Variants in NDST3 observed in about 807,000 individuals in gnomAD.
NDST3 encodes the protein N-deacetylase and N-sulfotransferase 3.
In NDST3, 58 loss-of-function variants were observed where a neutral mutation model predicts 96.1. The ratio of observed to expected loss-of-function variants is 0.60; its 90% CI spans 0.49 to 0.75. The LOEUF is 0.75. Ranked by LOEUF, NDST3 falls within the 30% of genes least tolerant of loss-of-function variation. NDST3 has a pLI of 0.00. For synonymous variants in NDST3, 333 were observed against 359.7 expected, an observed-to-expected ratio of 0.93 and a Z score of 0.84; for missense variants, 788 against 1,034.2, an observed-to-expected ratio of 0.76 and a Z score of 3.27.
chr4:118,090,483 C>A (rs1728776921), intron 2 of NDST3, among the ~76,000 whole-genome samples: 1 of 151,782 alleles, frequency 6.6e-6, no homozygotes, highest in Non-Finnish European at 1.5e-5. Flanking sequence ...AGTTCTTTGA[C>A]CTTTAATTAA....
chr4:118,133,527 G>A (rs138194917), intron 4 of NDST3, among the ~76,000 whole-genome samples: 1 of 152,254 alleles, frequency 6.6e-6, no homozygotes, highest in African/African-American at 2.4e-5. Context: ...AAGATAAAAC[G>A]AGGTACTGCG....
chr4:118,074,494 A>T (rs1334601932), intron 2 of NDST3, among the ~76,000 whole-genome samples: 2 of 152,176 alleles, frequency 1.3e-5, no homozygotes, highest in African/African-American at 4.8e-5. Context: ...ATCATTATGT[A>T]ATGCCCTTCT....
At chr4:118,048,610 T>C (rs1724900435) in intron 1 of NDST3, among the ~76,000 whole-genome samples, 1 of 151,850 alleles carries the variant, frequency 6.6e-6, no homozygotes, top group Admixed American at 6.6e-5. Flanking sequence ...TTCAAACCAA[T>C]AAAAATTTAA....
chr4:118,217,812 G>A (rs1451710097), intron 6 of NDST3, among the ~76,000 whole-genome samples: 2 of 151,304 alleles, frequency 1.3e-5, no homozygotes, highest in Admixed American at 6.6e-5. Context: ...ATTTTGCTTT[G>A]GTAAAAAACA....
intron 2 of NDST3, among the ~76,000 whole-genome samples, chr4:118,092,349 A>T (rs2125832658): frequency 6.6e-6 from 1 of 151,824 alleles, no homozygotes; most frequent in Non-Finnish European, 1.5e-5. Context: ...CCATACTACT[A>T]ATTACCTTTC....
intron 2 of NDST3, among the ~76,000 whole-genome samples, chr4:118,069,153 A>G (rs868033968): frequency 1.9e-4 from 29 of 152,176 alleles, no homozygotes; most frequent in South Asian, 4.1e-4. Context: ...GATCAGTCAG[A>G]AGAAAGATTC....
chr4:118,053,405 T>G (rs1725201719), intron 1 of NDST3, among the ~76,000 whole-genome samples: 1 of 152,000 alleles, frequency 6.6e-6, no homozygotes, highest in South Asian at 2.1e-4. Flanking sequence ...TATTACATAA[T>G]GTATAGCCAG....
At chr4:118,111,361 A>G (rs1303943928) in intron 3 of NDST3, among the ~76,000 whole-genome samples, 1 of 152,144 alleles carries the variant, frequency 6.6e-6, no homozygotes, top group African/African-American at 2.4e-5. Context: ...ATCTTCCCAG[A>G]AAAAGGAAAT....
At chr4:118,099,949 T>G (rs1220956436) in intron 2 of NDST3, among the ~76,000 whole-genome samples, 1 of 152,004 alleles carries the variant, frequency 6.6e-6, no homozygotes. Flanking sequence ...CTCTGCAGAT[T>G]GTACAGTGAG....
In NDST3 at chr4:118,060,339, CTT is replaced by C. The variant is rs564732456; in HGVS notation, c.981+5450_981+5451del. Among the ~76,000 whole-genome samples, 227 of 151,708 alleles carry C rather than the reference CTT, an allele frequency of 1.5e-3. 1 individual carries two copies. The highest frequency in any genetic ancestry group is 2.0e-3 in the Non-Finnish European group (139 of 67,848). On this transcript the variant is annotated intron_variant, in intron 2 of 13. Coordinates refer to ENST00000296499, the MANE Select transcript of NDST3 (RefSeq NM_004784.3). ...TTTAACTTTATTAATGTTGTTTTGC[CTT>C]TGTTTTGCTTAATGCTAATACAGCT...
At chr4:118,253,937 T>C (rs113544719) in intron 13 of NDST3, among the ~76,000 whole-genome samples, 3 of 152,176 alleles carry the variant, frequency 2.0e-5, no homozygotes, top group African/African-American at 7.2e-5. Context: ...AAAGTGAAAA[T>C]AGGACCAAGA....
In NDST3 at chr4:118,220,101, G is replaced by C. The variant is rs538370302; in HGVS notation, c.1540-4390G>C. Among the ~76,000 whole-genome samples, 64 of 151,328 alleles carry C rather than the reference G, an allele frequency of 4.2e-4. 1 individual carries two copies. Among genetic ancestry groups the C allele is most frequent in the African/African-American group, 1.5e-3 (60 of 41,378 alleles). On this transcript the variant is annotated intron_variant, in intron 6 of 13. Coordinates refer to ENST00000296499, the MANE Select transcript of NDST3 (RefSeq NM_004784.3). Reference sequence around the variant, plus strand: ...TAGAACCAGAAATACCAATGGGATTGCTGGGTATATACCCACAGGAGTATA... The same window carrying C: ...TAGAACCAGAAATACCAATGGGATTCCTGGGTATATACCCACAGGAGTATA...
chr4:118,063,208 G>A (rs1380299787), intron 2 of NDST3, among the ~76,000 whole-genome samples: 2 of 145,106 alleles, frequency 1.4e-5, no homozygotes, highest in Non-Finnish European at 3.0e-5. Context: ...AAAAAAAAAG[G>A]TCTGATGCAA....
At chr4:118,144,849 T>C (rs969224591) in intron 6 of NDST3, among the ~76,000 whole-genome samples, 12 of 152,294 alleles carry the variant, frequency 7.9e-5, no homozygotes, top group Admixed American at 2.6e-4. Context: ...GCAAATAAAA[T>C]TGCAGATAGT....
intron 3 of NDST3, among the ~76,000 whole-genome samples, chr4:118,106,245 A>G (rs913482744): frequency 1.3e-4 from 20 of 152,318 alleles, no homozygotes; most frequent in Admixed American, 7.8e-4. Context: ...GTTTTTAATG[A>G]ACAAAAATAC....
chr4:118,183,162 T>C (rs1736711960), intron 6 of NDST3, among the ~76,000 whole-genome samples: 2 of 152,154 alleles, frequency 1.3e-5, no homozygotes, highest in South Asian at 4.1e-4. Context: ...CAGGCAGAGA[T>C]CCAGGAGGGC....
intron 8 of NDST3, among the ~76,000 whole-genome samples, chr4:118,229,538 C>T (rs1163688239): frequency 6.6e-6 from 1 of 152,128 alleles, no homozygotes; most frequent in African/African-American, 2.4e-5. Context: ...CACAACTTAA[C>T]AATTTTTTAA....
intron 12 of NDST3, among the ~76,000 whole-genome samples, 176 bp from the exon 13 acceptor site, chr4:118,253,323 A>G (rs1197717444): frequency 6.6e-6 from 1 of 152,240 alleles, no homozygotes; most frequent in Non-Finnish European, 1.5e-5. Context: ...GTATGCCAAA[A>G]GACTTTATGC....
At chr4:118,045,297 C>T (rs1294132626) in intron 1 of NDST3, among the ~76,000 whole-genome samples, 1 of 152,116 alleles carries the variant, frequency 6.6e-6, no homozygotes. Flanking sequence ...TCCACAGACT[C>T]CCCCACTTGC....
Sources: allele counts gnomAD v4.1 joint callset (sites outside exome capture counted in the v4.1 genomes callset), GRCh38; gene constraint gnomAD v4.1.1; transcripts MANE v1.5; gene names NCBI Gene and HGNC (gene_info 2026-07-23, HGNC 2026-07-21).